The following NPLOC4 variants were observed in gnomAD, a reference collection of about 807,000 sequenced individuals.
NPLOC4 encodes the protein nuclear protein localization protein 4 homolog.
A neutral mutation model predicts 80.6 loss-of-function variants in NPLOC4; 18 were observed. The observed-to-expected ratio is 0.22, with a 90% CI of 0.15 to 0.33. NPLOC4 has a LOEUF of 0.33. Among genes scored for constraint, NPLOC4 ranks in the 10% least tolerant of loss-of-function variants. The pLI is 1.00. For synonymous variants in NPLOC4, 313 were observed against 301.5 expected (o/e 1.04, Z -0.39); for missense variants, 540 against 786.1 (o/e 0.69, Z 3.74).
rs888693718 is a variant in NPLOC4 at position 81,572,355 on chromosome 17, A to AT, written c.1282-268dup. Among the ~76,000 whole-genome samples the AT allele has an allele frequency of 1.3e-5, 2 of 150,724 alleles. No individual in the cohort carries two copies. The highest frequency in any genetic ancestry group is 3.0e-5 in the Non-Finnish European group (2 of 67,660). ...AGGCGCCCGCCACCACGCCCGGCTA[A>AT]TTTTTTTTGTATTTTTTAGTAGAGA... On this transcript the variant is annotated intron_variant, in intron 12 of 16. Coordinates refer to ENST00000331134, the MANE Select transcript of NPLOC4 (RefSeq NM_017921.4). The surrounding 1 kb of genome is among the most constrained non-coding windows in gnomAD (Gnocchi z 4.5).
chr17:81,600,805 C>G (rs1257054671), intron 8 of NPLOC4, among the ~76,000 whole-genome samples: 1 of 152,172 alleles, frequency 6.6e-6, no homozygotes, highest in South Asian at 2.1e-4. Context: ...TCACTCCAAA[C>G]AGGTTTGGCT....
chr17:81,632,639 C>A (rs1034944111), intron 1 of NPLOC4, among the ~76,000 whole-genome samples: 1 of 152,020 alleles, frequency 6.6e-6, no homozygotes, highest in Admixed American at 6.6e-5. Context: ...TTCATAAATT[C>A]TATAACTATT....
At chr17:81,632,390 G>A (rs966681733) in intron 1 of NPLOC4, among the ~76,000 whole-genome samples, 28 of 149,576 alleles carry the variant, frequency 1.9e-4, no homozygotes, top group African/African-American at 6.2e-4. Context: ...TCGGCTCACT[G>A]CAACCTCTGC....
intron 1 of NPLOC4, among the ~76,000 whole-genome samples, chr17:81,632,448 G>C (rs1271099004): frequency 1.3e-5 from 2 of 151,812 alleles, no homozygotes; most frequent in African/African-American, 4.8e-5. Context: ...GAGTATCTGG[G>C]ATTACAAGTG....
At chr17:81,603,112 G>A (rs1443547819) in intron 8 of NPLOC4, among the ~76,000 whole-genome samples, 1 of 149,962 alleles carries the variant, frequency 6.7e-6, no homozygotes, top group Non-Finnish European at 1.5e-5. Flanking sequence ...TGCAATTGAG[G>A]CTGCATTGAG....
At chr17:81,587,877 G>A (rs1366016857) in intron 12 of NPLOC4, among the ~76,000 whole-genome samples, 6 of 150,674 alleles carry the variant, frequency 4.0e-5, no homozygotes, top group African/African-American at 1.2e-4. Context: ...GGGTTTCACC[G>A]TGTTAGCCAA....
In NPLOC4 at chr17:81,589,083, T is replaced by C. The variant is rs2034664009; in HGVS notation, c.1142A>G (p.His381Arg). Reference protein sequence around the residue: ...VATGGPDNQVHFEGYQVSNQC... With the variant: ...VATGGPDNQVRFEGYQVSNQC... Reference sequence around the variant, plus strand: ...ATTGGACACCTGGTACCCTTCAAAGTGGACTTGGTTGTCAGGACCACCTGC... The same window carrying C: ...ATTGGACACCTGGTACCCTTCAAAGCGGACTTGGTTGTCAGGACCACCTGC... The change falls in exon 12 of 17, where the codon CAC (histidine) becomes CGC (arginine). Residue 381 changes from histidine (H) to arginine (R), a missense_variant. This residue lies in a region of NPLOC4 where 251 missense variants were observed against 377.5 expected (regional missense o/e 0.66). Transcript: ENST00000331134. 6.2e-7 allele frequency: 1 copy of C among 1,612,674 alleles called. No individual in the cohort carries two copies. Among genetic ancestry groups the C allele is most frequent in the Admixed American group, 1.7e-5 (1 of 59,688 alleles).
intron 11 of NPLOC4, among the ~76,000 whole-genome samples, chr17:81,593,998 G>A (rs989467345): frequency 7.2e-5 from 11 of 152,128 alleles, no homozygotes; most frequent in African/African-American, 2.4e-4. Context: ...ACTCGGCCGG[G>A]CGCAGTGGCT....
At chr17:81,583,743 A>G (rs1018253844) in intron 12 of NPLOC4, among the ~76,000 whole-genome samples, 5 of 152,200 alleles carry the variant, frequency 3.3e-5, no homozygotes, top group African/African-American at 7.2e-5. Flanking sequence ...TACTGGCTGC[A>G]TATGGGACAG....
intron 4 of NPLOC4, 66 bp downstream of exon 4, chr17:81,613,252 T>G: frequency 7.2e-7 from 1 of 1,389,758 alleles, no homozygotes; most frequent in South Asian, 1.4e-5. Flanking sequence ...ATGTTATAAA[T>G]ATTTCCCTTT....
chr17:81,629,643 G>A lies in NPLOC4; in HGVS notation c.96+82C>T, dbSNP rs370407971. The A allele has an allele frequency of 1.4e-5, 15 of 1,070,496 alleles. 1 individual carries two copies. The East Asian group carries it at 1.7e-4, about 12-fold the overall frequency. 66.3% of individuals were successfully genotyped at this position (1,070,496 alleles called of 1,614,324 possible). A position where few individuals can be genotyped will look rare whatever the true frequency, so the allele number is the denominator to read the frequency against. ...TTGGGAATAGGGAAAATAAGAAAAC[G>A]AGGAAAAGAGAAAAGGTATCGATGG... On this transcript the variant is annotated intron_variant, in intron 2 of 16. Transcript: ENST00000331134.
At chr17:81,595,528 A>G (rs2034883017) in intron 11 of NPLOC4, among the ~76,000 whole-genome samples, 1 of 99,760 alleles carries the variant, frequency 1.0e-5, no homozygotes, top group African/African-American at 3.4e-5. Context: ...ATACATATAT[A>G]TATATATTTT....
rs368950526 is a variant in NPLOC4 at position 81,612,038 on chromosome 17, G to A, written c.386+1280C>T. 2.0e-3 allele frequency among the ~76,000 whole-genome samples: 300 copies of A among 151,936 alleles called. 1 individual carries two copies. The highest frequency in any genetic ancestry group is 3.4e-3 in the Non-Finnish European group (228 of 67,980). The stretch of plus-strand genomic sequence containing the variant: ...TGAACATGGCAAAGGGCCTGAGAGC[G>A]GTGCATAAATAATCCAAGTTTGGAA... On this transcript the variant is annotated intron_variant, in intron 4 of 16. Transcript: ENST00000331134.
At chr17:81,605,876 C>A (rs1215586624) in intron 7 of NPLOC4, among the ~76,000 whole-genome samples, 1 of 149,318 alleles carries the variant, frequency 6.7e-6, no homozygotes, top group African/African-American at 2.5e-5. Flanking sequence ...GGCTGGAGTG[C>A]AGTGGCGTGA....
intron 16 of NPLOC4, among the ~76,000 whole-genome samples, chr17:81,561,309 TTC>T (rs950028779): frequency 2.0e-4 from 31 of 152,176 alleles, no homozygotes; most frequent in African/African-American, 7.2e-4. Flanking sequence ...TTCTTCTGCT[TTC>T]TGTTTGATTA....
In NPLOC4 at chr17:81,606,703, C is replaced by T. The variant is rs200845145; in HGVS notation, c.642G>A (p.Thr214=). The change falls in exon 7 of 17, where the codon ACG becomes ACA. Residue 214 remains threonine (T), a synonymous_variant. Coordinates refer to ENST00000331134, the MANE Select transcript of NPLOC4 (RefSeq NM_017921.4). ...ICTKCQPSAI[T]LNRQKYRHVD... is the part of the protein sequence containing the mutation. ...GGGAACATCTCACCTGTCTGTTCAG[C>T]GTGATGGCGCTCGGCTGGCACTTAG... is the stretch of plus-strand genomic sequence containing the variant. 1,037 of 1,613,300 alleles carry T rather than the reference C, an allele frequency of 6.4e-4. No individual in the cohort carries two copies. The highest frequency in any genetic ancestry group is 7.9e-4 in the Non-Finnish European group (934 of 1,179,606).
At chr17:81,564,049 C>A in intron 16 of NPLOC4, 1 of 395,752 alleles carries the variant, frequency 2.5e-6, no homozygotes, top group Non-Finnish European at 5.1e-6. Flanking sequence ...CCACTGCACT[C>A]CAGCCTGGGA....
intron 2 of NPLOC4, among the ~76,000 whole-genome samples, chr17:81,624,913 G>T: frequency 6.6e-6 from 1 of 152,336 alleles, no homozygotes; most frequent in South Asian, 2.1e-4. Flanking sequence ...GGAAAGAGAT[G>T]AGGCTGGCGA....
In NPLOC4 at chr17:81,572,480, C is replaced by T. The variant is rs1478258158; in HGVS notation, c.1282-392G>A. 4.6e-5 allele frequency among the ~76,000 whole-genome samples: 7 copies of T among 152,208 alleles called. No individual in the cohort carries two copies. Among genetic ancestry groups the T allele is most frequent in the South Asian group, 2.1e-4 (1 of 4,834 alleles). ...TGCTGGGATTACAGGCGTGAGCCACCGCGTCCGGCCTTCACTTTTTAAATT... is the reference window on the plus strand; with the variant it reads ...TGCTGGGATTACAGGCGTGAGCCACTGCGTCCGGCCTTCACTTTTTAAATT... On this transcript the variant is annotated intron_variant, in intron 12 of 16. Transcript: ENST00000331134. The surrounding 1 kb of genome is among the most constrained non-coding windows in gnomAD (Gnocchi z 4.5).
Sources: allele counts gnomAD v4.1 joint callset (sites outside exome capture counted in the v4.1 genomes callset), GRCh38; gene constraint gnomAD v4.1.1; regional missense constraint gnomAD v4.1.1; non-coding constraint Gnocchi (gnomAD v3.1); transcripts MANE v1.5; gene names NCBI Gene and HGNC (gene_info 2026-07-23, HGNC 2026-07-21).